SNRPB: variants seen among roughly 807,000 people sequenced by gnomAD.
SNRPB encodes small nuclear ribonucleoprotein polypeptides B and B1.
Under a neutral mutation model 26.6 loss-of-function variants are expected in SNRPB, and 5 were observed. The ratio of observed to expected loss-of-function variants is 0.19; its 90% CI spans 0.10 to 0.39. SNRPB has a LOEUF of 0.39. Ranked by LOEUF, SNRPB falls within the 10% of genes least tolerant of loss-of-function variation. SNRPB has a pLI of 1.00. For missense variants in SNRPB, 211 were observed against 311.9 expected (o/e 0.68, Z 2.44); for synonymous variants, 122 against 105.8 (o/e 1.15, Z -0.94).
Position 2,470,752 on chromosome 20 carries a change from TC to T in SNRPB, c.-63del. On this transcript the variant is annotated 5_prime_UTR_variant, in exon 1 of 7. Transcript: ENST00000381342. ...CGCCTCCTCAGAGGCCTAGCCTCTC[TC>T]CCACAGCCGATTTCCCGCCGCCGCT... is the stretch of plus-strand genomic sequence containing the variant. 6.3e-7 allele frequency: 1 copy of T among 1,598,882 alleles called. No individual in the cohort carries two copies. Among genetic ancestry groups the T allele is most frequent in the South Asian group, 1.1e-5 (1 of 90,798 alleles).
chr20:2,465,663 C>T (rs1367625226), intron 3 of SNRPB, 45 bp downstream of exon 3: 1 of 1,306,548 alleles, frequency 7.7e-7, no homozygotes, highest in Admixed American at 1.7e-5. Flanking sequence ...GCCTGGCTCA[C>T]AGTAGGGCCT....
At position 2,467,884 on chromosome 20, in the gene SNRPB, G is replaced by A. The variant is rs191072232; in HGVS notation, c.4-126C>T. The A allele has an allele frequency of 1.6e-4, 141 of 862,992 alleles. No homozygotes were observed. In the African/African-American group the frequency reaches 2.2e-3, roughly 14 times the overall value. 53.5% of individuals were successfully genotyped at this position (862,992 alleles called of 1,614,324 possible). On this transcript the variant is annotated intron_variant, in intron 1 of 6. Transcript: ENST00000381342. ...ACTTTCTCAACAGATTCTTAGCTCA[G>A]TCTCCCACCCACAGCCTTTTCCTAG... is the stretch of plus-strand genomic sequence containing the variant.
intron 2 of SNRPB, among the ~76,000 whole-genome samples, chr20:2,466,544 G>T (rs1284500068): frequency 1.3e-5 from 2 of 152,044 alleles, no homozygotes; most frequent in African/African-American, 4.8e-5. Flanking sequence ...GAACTCAAAA[G>T]ATTTTGTTTT....
rs1011142275 is a variant in SNRPB at position 2,464,189 on chromosome 20, A to C, written c.268-290T>G. Among the ~76,000 whole-genome samples the C allele has an allele frequency of 1.2e-4, 18 of 152,290 alleles. No homozygotes were observed. In the East Asian group the frequency reaches 2.7e-3, roughly 23 times the overall value. ...ACCAAGAGCAAAGGGCCAGGGTTCCACTCAGGGTTCAGCAGGCAAGGCATT... is the reference window on the plus strand; with the variant it reads ...ACCAAGAGCAAAGGGCCAGGGTTCCCCTCAGGGTTCAGCAGGCAAGGCATT... On this transcript the variant is annotated intron_variant, in intron 3 of 6. Coordinates refer to ENST00000381342, the MANE Select transcript of SNRPB (RefSeq NM_003091.4).
In SNRPB at chr20:2,462,066, A is replaced by T. The variant is rs2085038310; in HGVS notation, c.686-127T>A. The T allele has an allele frequency of 3.2e-5, 21 of 666,578 alleles. No individual in the cohort carries two copies. In the South Asian group the frequency reaches 3.9e-4, roughly 12 times the overall value. The allele number at this position is 666,578 out of a possible 1,614,324, so 41.3% of individuals were successfully genotyped here. ...GGTATACATGGCATATGTGCTAACTAGGGACTACTCTGAGGCTGACTGGGT... is the reference window on the plus strand; with the variant it reads ...GGTATACATGGCATATGTGCTAACTTGGGACTACTCTGAGGCTGACTGGGT... On this transcript the variant is annotated intron_variant, in intron 6 of 6. Transcript: ENST00000381342.
intron 6 of SNRPB, 96 bp downstream of exon 6, chr20:2,462,540 A>C (rs896805117): frequency 3.6e-5 from 39 of 1,085,686 alleles, no homozygotes; most frequent in Middle Eastern, 2.0e-4. Context: ...AAGGCTTGAA[A>C]GCCCATGGGA....
At position 2,467,638 on chromosome 20, in the gene SNRPB, G is replaced by C; in HGVS notation, c.124C>G (p.Leu42Val). ...TTTCTGAACTCATCACAGTCACAGAGGATCAAATTCATGTGCTTGTCAAAA... is the reference window on the plus strand; with the variant it reads ...TTTCTGAACTCATCACAGTCACAGACGATCAAATTCATGTGCTTGTCAAAA... ...KAFDKHMNLI[L>V]CDCDEFRKIK... The change falls in exon 2 of 7, where the codon CTC becomes GTC. Residue 42 changes from leucine to valine, a missense_variant. Leu to Val is a conservative substitution (Grantham distance 32). Coordinates refer to ENST00000381342, the MANE Select transcript of SNRPB (RefSeq NM_003091.4). 6.2e-7 allele frequency: 1 copy of C among 1,614,172 alleles called. No individual in the cohort carries two copies. The highest frequency in any genetic ancestry group is 8.5e-7 in the Non-Finnish European group (1 of 1,180,030).
chr20:2,464,850 CAG>C (rs1489009676), intron 3 of SNRPB, among the ~76,000 whole-genome samples: 2 of 143,854 alleles, frequency 1.4e-5, no homozygotes, highest in Non-Finnish European at 3.0e-5. Context: ...AGCCTGGCGA[CAG>C]AGCGAGACTC....
At position 2,470,697 on chromosome 20, in the gene SNRPB, G is replaced by C. The variant is rs747193234; in HGVS notation, c.-7C>G. 16 of 1,613,536 alleles carry C rather than the reference G, an allele frequency of 9.9e-6. No homozygotes were observed. The East Asian group carries it at 3.3e-4, about 34-fold the overall frequency. On this transcript the variant is annotated 5_prime_UTR_variant, in exon 1 of 7. Transcript: ENST00000381342. Reference sequence around the variant, plus strand: ...CCTGTGCCCTCCTTACCATGGTGGCGGTTCTGATGGCTCTGATACCCGCCG... The same window carrying C: ...CCTGTGCCCTCCTTACCATGGTGGCCGTTCTGATGGCTCTGATACCCGCCG...
chr20:2,462,968 C>A, intron 5 of SNRPB, 121 bp downstream of exon 5: 1 of 1,102,986 alleles, frequency 9.1e-7, no homozygotes, highest in Non-Finnish European at 1.3e-6. Context: ...CGCTGGATCT[C>A]AGAGTAATCC....
intron 2 of SNRPB, chr20:2,467,180 C>T: frequency 1.4e-5 from 6 of 426,750 alleles, no homozygotes. Context: ...ACATGGGGAG[C>T]TGAGCACTTA....
chr20:2,467,584 G>GC (rs753524594), intron 2 of SNRPB, 23 bp downstream of exon 2: 10 of 1,608,308 alleles, frequency 6.2e-6, no homozygotes, highest in Admixed American at 3.3e-5. Context: ...TCCAGTCTCC[G>GC]CCCCCCACAG....
intron 1 of SNRPB, among the ~76,000 whole-genome samples, chr20:2,469,042 G>A (rs2085093801): frequency 2.0e-5 from 3 of 152,236 alleles, no homozygotes; most frequent in African/African-American, 7.2e-5. Context: ...CAAGGGATCT[G>A]AACCTTTAGG....
At chr20:2,462,338 G>A (rs979814715) in intron 6 of SNRPB, among the ~76,000 whole-genome samples, 5 of 152,186 alleles carry the variant, frequency 3.3e-5, no homozygotes, top group Admixed American at 6.5e-5. Flanking sequence ...TCAAACCAAA[G>A]AGCATAAGAC....
At chr20:2,462,907 A>G (rs2122484242) in intron 5 of SNRPB, 146 bp from the exon 6 acceptor site, 1 of 945,406 alleles carries the variant, frequency 1.1e-6, no homozygotes, top group South Asian at 1.7e-5. Flanking sequence ...TTTGAGCCTA[A>G]CACCCAGGGC....
chr20:2,464,075 G>A lies in SNRPB; in HGVS notation c.268-176C>T, dbSNP rs546263344. Among the ~76,000 whole-genome samples, 14 of 152,332 alleles carry A rather than the reference G, an allele frequency of 9.2e-5. No homozygotes were observed. In the South Asian group the frequency reaches 2.9e-3, roughly 32 times the overall value. ...ATTCTTCCTCCATCCAAGACTATGA[G>A]TTATCCCTGAAGCAGGGTAGAACTT... On this transcript the variant is annotated intron_variant, in intron 3 of 6. Coordinates refer to ENST00000381342, the MANE Select transcript of SNRPB (RefSeq NM_003091.4).
intron 1 of SNRPB, among the ~76,000 whole-genome samples, chr20:2,468,312 T>C (rs750525964): frequency 3.9e-5 from 6 of 152,192 alleles, no homozygotes; most frequent in Non-Finnish European, 8.8e-5. Context: ...GAGGGAAACT[T>C]CTGATGGTTA....
At position 2,463,311 on chromosome 20, in the gene SNRPB, T is replaced by C. The variant is rs892693077; in HGVS notation, c.421-84A>G. 1 of 1,080,428 alleles carries C rather than the reference T, an allele frequency of 9.3e-7. No homozygotes were observed. The highest frequency in any genetic ancestry group is 1.4e-6 in the Non-Finnish European group (1 of 699,118). The allele number at this position is 1,080,428 out of a possible 1,614,324, so 66.9% of individuals were successfully genotyped here. The stretch of plus-strand genomic sequence containing the variant: ...TCCTCCCCAACTTGGGGAAGGACAG[T>C]GGGAAATAACAGACACCAAATCCCT... On this transcript the variant is annotated intron_variant, in intron 4 of 6. Coordinates refer to ENST00000381342, the MANE Select transcript of SNRPB (RefSeq NM_003091.4). This position sits in a 1 kb window ranked among gnomAD's most constrained non-coding sequence, Gnocchi z 5.0.
At chr20:2,468,289 A>G (rs184458452) in intron 1 of SNRPB, among the ~76,000 whole-genome samples, 140 of 152,276 alleles carry the variant, frequency 9.2e-4, no homozygotes, top group South Asian at 2.7e-3. Context: ...TGCCTCCAAG[A>G]CTATATTTGG....
Sources: gnomAD v4.1 joint callset for allele counts (sites outside exome capture counted in the v4.1 genomes callset) on GRCh38, gnomAD v4.1.1 for gene constraint, Gnocchi (gnomAD v3.1) non-coding constraint, MANE v1.5 for transcripts, NCBI Gene and HGNC (gene_info 2026-07-23, HGNC 2026-07-21) for gene names.